NCK2: variants seen among roughly 807,000 people sequenced by gnomAD.
NCK2 encodes cytoplasmic protein NCK2.
In NCK2, 16 loss-of-function variants were observed where a neutral mutation model predicts 33.9. The ratio of observed to expected loss-of-function variants is 0.47; its 90% CI spans 0.32 to 0.72. The LOEUF is 0.72. Ranked by LOEUF, NCK2 falls within the 30% of genes least tolerant of loss-of-function variation. NCK2 has a pLI of 0.03. For missense variants in NCK2, 418 were observed against 537.3 expected (o/e 0.78, Z 2.19); for synonymous variants, 273 against 239.9 (o/e 1.14, Z -1.27).
At chr2:105,748,063 T>A (rs1689345724) in intron 1 of NCK2, among the ~76,000 whole-genome samples, 1 of 152,228 alleles carries the variant, frequency 6.6e-6, no homozygotes, top group African/African-American at 2.4e-5. Context: ...CACATCCACA[T>A]GTGTACTGGC....
chr2:105,872,652 A>T (rs1678063212), intron 3 of NCK2, among the ~76,000 whole-genome samples: 1 of 151,918 alleles, frequency 6.6e-6, no homozygotes, highest in Non-Finnish European at 1.5e-5. Context: ...CTTCTTGAGA[A>T]CTCTGAAGAA....
chr2:105,772,567 G>A (rs1011854797), intron 1 of NCK2, among the ~76,000 whole-genome samples: 4 of 152,070 alleles, frequency 2.6e-5, no homozygotes, highest in Non-Finnish European at 4.4e-5. Flanking sequence ...TACTGATGCT[G>A]GGTTAAACAT....
At chr2:105,811,774 A>G (rs933535010) in intron 1 of NCK2, among the ~76,000 whole-genome samples, 2 of 152,128 alleles carry the variant, frequency 1.3e-5, no homozygotes, top group Admixed American at 6.5e-5. Flanking sequence ...AGCCCCTAAT[A>G]AAACCCTGGC....
At chr2:105,844,612 C>A (rs1206562020) in intron 2 of NCK2, among the ~76,000 whole-genome samples, 2 of 150,090 alleles carry the variant, frequency 1.3e-5, no homozygotes, top group Non-Finnish European at 3.0e-5. Flanking sequence ...GAGGCTCTTA[C>A]CTGTAATTGC....
chr2:105,847,387 A>G (rs909683498), intron 2 of NCK2: 1 of 152,220 alleles, frequency 6.6e-6, no homozygotes, highest in Non-Finnish European at 1.5e-5. Flanking sequence ...CTTTGTAGAA[A>G]AGAAATGATG....
chr2:105,865,455 T>C (rs959375547), intron 3 of NCK2, among the ~76,000 whole-genome samples: 13 of 152,134 alleles, frequency 8.5e-5, no homozygotes, highest in Non-Finnish European at 1.9e-4. Flanking sequence ...GGGGTGCTGA[T>C]TGGTGTGGGA....
chr2:105,831,358 C>T (rs1676177413), intron 2 of NCK2, among the ~76,000 whole-genome samples: 1 of 150,674 alleles, frequency 6.6e-6, no homozygotes, highest in African/African-American at 2.4e-5. Flanking sequence ...GCTGGAGGCA[C>T]ATGGTGCTTG....
At chr2:105,799,534 C>T (rs531068210) in intron 1 of NCK2, among the ~76,000 whole-genome samples, 1 of 152,154 alleles carries the variant, frequency 6.6e-6, no homozygotes, top group Non-Finnish European at 1.5e-5. Context: ...GTCTGTTTCC[C>T]ATGTTCCTGC....
intron 2 of NCK2, among the ~76,000 whole-genome samples, chr2:105,845,159 T>C (rs1256120386): frequency 2.6e-5 from 4 of 152,164 alleles, no homozygotes; most frequent in Admixed American, 2.0e-4. Context: ...GCATAAACCA[T>C]ATAAATCTGC....
chr2:105,815,302 T>C (rs1675439437), intron 1 of NCK2, among the ~76,000 whole-genome samples: 1 of 152,214 alleles, frequency 6.6e-6, no homozygotes, highest in Non-Finnish European at 1.5e-5. Context: ...TTTATGAACT[T>C]GCCTTATAAC....
chr2:105,788,242 T>C (rs1690750433), intron 1 of NCK2, among the ~76,000 whole-genome samples: 2 of 152,188 alleles, frequency 1.3e-5, no homozygotes, highest in African/African-American at 4.8e-5. Flanking sequence ...GTGCTGTCTT[T>C]TGCTTAAAGG....
intron 1 of NCK2, among the ~76,000 whole-genome samples, chr2:105,806,530 T>G (rs891926031): frequency 6.6e-6 from 1 of 152,146 alleles, no homozygotes; most frequent in Non-Finnish European, 1.5e-5. Context: ...GAGCCACCAC[T>G]CCCGGCCACA....
At chr2:105,828,692 A>G (rs1344604779) in intron 2 of NCK2, among the ~76,000 whole-genome samples, 2 of 152,204 alleles carry the variant, frequency 1.3e-5, no homozygotes, top group Admixed American at 6.5e-5. Flanking sequence ...TTGATCACCT[A>G]TGACATCTTG....
intron 2 of NCK2, among the ~76,000 whole-genome samples, chr2:105,817,756 G>A (rs562145449): frequency 6.6e-6 from 1 of 152,186 alleles, no homozygotes; most frequent in East Asian, 1.9e-4. Context: ...TTAGAATGGT[G>A]ATCATTAAAA....
At chr2:105,796,957 G>A (rs1691100738) in intron 1 of NCK2, among the ~76,000 whole-genome samples, 1 of 152,148 alleles carries the variant, frequency 6.6e-6, no homozygotes, top group African/African-American at 2.4e-5. Flanking sequence ...ATCTGTGGTT[G>A]GTTCAGTACC....
intron 1 of NCK2, among the ~76,000 whole-genome samples, chr2:105,790,122 T>C (rs1248073218): frequency 6.6e-6 from 1 of 152,248 alleles, no homozygotes; most frequent in Non-Finnish European, 1.5e-5. Context: ...AAAAGTTGAT[T>C]TGTGAGCTAA....
chr2:105,769,319 C>A (rs910980283), intron 1 of NCK2, among the ~76,000 whole-genome samples: 10 of 118,932 alleles, frequency 8.4e-5, no homozygotes, highest in African/African-American at 3.2e-4. Flanking sequence ...CTATTTAAAG[C>A]CCTCCTCTCA....
intron 1 of NCK2, among the ~76,000 whole-genome samples, chr2:105,791,016 G>A (rs1170178098): frequency 6.6e-6 from 1 of 152,166 alleles, no homozygotes; most frequent in Non-Finnish European, 1.5e-5. Flanking sequence ...GCACTGCTTA[G>A]AGGTTGTCCG....
intron 1 of NCK2, among the ~76,000 whole-genome samples, chr2:105,769,827 A>G (rs1371168164): frequency 6.6e-6 from 1 of 152,218 alleles, no homozygotes; most frequent in Non-Finnish European, 1.5e-5. Flanking sequence ...AAAAACTCAG[A>G]TTTTAATCCC....
Sources: allele counts gnomAD v4.1 joint callset (sites outside exome capture counted in the v4.1 genomes callset), GRCh38; gene constraint gnomAD v4.1.1; transcripts MANE v1.5; gene names NCBI Gene and HGNC (gene_info 2026-07-23, HGNC 2026-07-21).